SERPINA7: variants seen among roughly 807,000 people sequenced by gnomAD.
The protein encoded by SERPINA7 is thyroxine-binding globulin.
A neutral mutation model predicts 16.0 loss-of-function variants in SERPINA7; 14 were observed. The observed-to-expected ratio is 0.88, with a 90% CI of 0.58 to 1.37. The LOEUF (loss-of-function observed/expected upper bound fraction) is 1.37, where lower values mean the gene tolerates loss of function less well. Ranked by LOEUF, SERPINA7 falls within the 40% of genes most tolerant of loss-of-function variation. The pLI, the probability that SERPINA7 is intolerant of heterozygous loss-of-function variation, is 0.00. For synonymous variants in SERPINA7, 140 were observed against 111.0 expected, an observed-to-expected ratio of 1.26 and a Z score of -1.65; for missense variants, 335 against 296.6, an observed-to-expected ratio of 1.13 and a Z score of -0.95.
intron 4 of SERPINA7, 53 bp downstream of exon 4, chrX:106,034,182 T>G: frequency 1.4e-5 from 16 of 1,140,200 alleles, no homozygotes; most frequent in Non-Finnish European, 1.9e-5. Context: ...ATCAATTGAC[T>G]CCTAATTGCT....
intron 4 of SERPINA7, 106 bp from the exon 5 acceptor site, chrX:106,033,809 T>G: frequency 1.7e-6 from 2 of 1,175,308 alleles, no homozygotes. Flanking sequence ...GCCCCTTTGC[T>G]ATACTATGTT....
chrX:106,038,528 TA>T (rs2041468428), intron 1 of SERPINA7, among the ~76,000 whole-genome samples, 169 bp downstream of exon 1: 1 of 110,875 alleles, frequency 9.0e-6, no homozygotes, highest in Non-Finnish European at 1.9e-5. Flanking sequence ...CCTCTTTCTT[TA>T]AAAGTCACTG....
rs1436136179 is a variant in SERPINA7 at position 106,036,972 on chromosome X, G to T, written c.87C>A (p.Ala29=). 4 of 1,208,824 alleles carry T rather than the reference G, an allele frequency of 3.3e-6. No individual in the cohort carries two copies. The highest frequency in any genetic ancestry group is 4.5e-6 in the Non-Finnish European group (4 of 894,428). Residue 29 remains alanine, a synonymous_variant, in exon 2 of 5, where the codon GCC becomes GCA. Transcript: ENST00000372563. ...TGGCATTTGGTTGGGATGAATGGCA[G>T]GCTGTTACTTTGCCTTCAGGTGATG... ...HCASPEGKVT[A]CHSSQPNATL... is the part of the protein sequence containing the mutation.
At chrX:106,034,766 A>G (rs2041435688) in intron 3 of SERPINA7, among the ~76,000 whole-genome samples, 1 of 111,699 alleles carries the variant, frequency 9.0e-6, no homozygotes, top group Non-Finnish European at 1.9e-5. Flanking sequence ...CAACATCAAA[A>G]TCCAACCTGT....
At chrX:106,036,040 T>C (rs954700347) in intron 2 of SERPINA7, among the ~76,000 whole-genome samples, 1 of 112,359 alleles carries the variant, frequency 8.9e-6, no homozygotes, top group Non-Finnish European at 1.9e-5. Flanking sequence ...TAATACATGG[T>C]AAAATTATGT....
intron 1 of SERPINA7, 135 bp from the exon 2 acceptor site, chrX:106,037,210 G>T (rs1205876449): frequency 2.3e-5 from 12 of 518,920 alleles, no homozygotes; most frequent in Non-Finnish European, 3.8e-5. Context: ...CTCATCAGGG[G>T]CTGAGCAGGG....
At chrX:106,037,280 G>T in intron 1 of SERPINA7, 1 of 401,938 alleles carries the variant, frequency 2.5e-6, no homozygotes, top group South Asian at 4.5e-5. Flanking sequence ...AGGAGAAGTG[G>T]CTTGCTGCAA....
intron 3 of SERPINA7, 152 bp downstream of exon 3, chrX:106,034,960 T>C: frequency 1.5e-6 from 1 of 686,612 alleles, no homozygotes; most frequent in East Asian, 3.2e-5. Context: ...GCCAAGGGCC[T>C]GGTAGACAGT....
At chrX:106,036,227 C>G (rs1014337497) in intron 2 of SERPINA7, among the ~76,000 whole-genome samples, 2 of 111,520 alleles carry the variant, frequency 1.8e-5, no homozygotes, top group Admixed American at 1.9e-4. Flanking sequence ...TCTGAAAGGG[C>G]GCTCTCCCTA....
intron 1 of SERPINA7, among the ~76,000 whole-genome samples, chrX:106,037,627 C>G (rs1216003025): frequency 9.0e-6 from 1 of 110,777 alleles, no homozygotes; most frequent in Non-Finnish European, 1.9e-5. Context: ...GTTTATGGAG[C>G]CACGTACAAG....
intron 1 of SERPINA7, 102 bp from the exon 2 acceptor site, chrX:106,037,177 A>G (rs574862618): frequency 1.5e-6 from 1 of 655,266 alleles, no homozygotes; most frequent in South Asian, 2.6e-5. Context: ...TTAATAAAAC[A>G]ATAGTAAATA....
rs1358921638 is a variant in SERPINA7 at position 106,037,082 on chromosome X, G to A, written c.-17-7C>T. On this transcript the variant is annotated splice_polypyrimidine_tract_variant and splice_region_variant and intron_variant, in intron 1 of 4. Coordinates refer to ENST00000372563, the MANE Select transcript of SERPINA7 (RefSeq NM_000354.6). Reference sequence around the variant, plus strand: ...ATTTTGGAAGGAAGTTAATCTATAAGAGATGAAGTGAGACAACCACTGAGG... The same window carrying A: ...ATTTTGGAAGGAAGTTAATCTATAAAAGATGAAGTGAGACAACCACTGAGG... 9.2e-6 allele frequency: 11 copies of A among 1,196,266 alleles called. No individual in the cohort carries two copies. The highest frequency in any genetic ancestry group is 1.2e-5 in the Non-Finnish European group (11 of 883,976).
Position 106,036,474 on chromosome X carries a change from G to A in SERPINA7, c.585C>T (p.Asn195=), listed in dbSNP as rs760352887. ...VVGLIQDLKP[N]TIMVLVNYIH... ...TATAGTTCACTAAGACCATGATGGT[G>A]TTTGGCTTGAGGTCTTGAATTAGAC... Residue 195 remains asparagine, a synonymous_variant, in exon 2 of 5, where the codon AAC becomes AAT. Transcript: ENST00000372563. 3 of 1,210,902 alleles carry A rather than the reference G, an allele frequency of 2.5e-6. No individual in the cohort carries two copies. The highest frequency in any genetic ancestry group is 4.4e-5 in the Admixed American group (2 of 45,974).
At chrX:106,034,992 G>A in intron 3 of SERPINA7, 120 bp downstream of exon 3, 3 of 854,556 alleles carry the variant, frequency 3.5e-6, no homozygotes, top group Non-Finnish European at 5.2e-6. Context: ...ATATTCTAGT[G>A]ATCATACATA....
At chrX:106,033,871 T>C (rs1426343057) in intron 4 of SERPINA7, 168 bp from the exon 5 acceptor site, 13 of 969,627 alleles carry the variant, frequency 1.3e-5, no homozygotes, top group South Asian at 7.0e-5. Context: ...AATCATTCTC[T>C]GGCGATTCTA....
At chrX:106,033,763 G>T (rs2041426826) in intron 4 of SERPINA7, 60 bp from the exon 5 acceptor site, 1 of 1,210,243 alleles carries the variant, frequency 8.3e-7, no homozygotes, top group South Asian at 1.8e-5. Context: ...CTTTGGGAAG[G>T]TCTAGAAGTA....
chrX:106,033,366 T>G lies in SERPINA7; in HGVS notation c.*134A>C. 1 of 803,845 alleles carries G rather than the reference T, an allele frequency of 1.2e-6. No individual in the cohort carries two copies. Among genetic ancestry groups the G allele is most frequent in the Non-Finnish European group, 1.9e-6 (1 of 531,210 alleles). 66.2% of individuals were successfully genotyped at this position (803,845 alleles called of 1,213,427 possible). On this transcript the variant is annotated 3_prime_UTR_variant, in exon 5 of 5. Coordinates refer to ENST00000372563, the MANE Select transcript of SERPINA7 (RefSeq NM_000354.6). The stretch of plus-strand genomic sequence containing the variant: ...TGGCCTCTTCCACAGCCAACAAAGT[T>G]CAGCCAGGGTTCAATCTTCATCCCA...
In SERPINA7 at chrX:106,037,332, C is replaced by T; in HGVS notation, c.-17-257G>A. Reference sequence around the variant, plus strand: ...ATGGACTGTCATTCAGATGTTATAGCAACATTATGAAAACGCTGTGAGTAA... The same window carrying T: ...ATGGACTGTCATTCAGATGTTATAGTAACATTATGAAAACGCTGTGAGTAA... On this transcript the variant is annotated intron_variant, in intron 1 of 4. Coordinates refer to ENST00000372563, the MANE Select transcript of SERPINA7 (RefSeq NM_000354.6). 8.8e-6 allele frequency: 3 copies of T among 340,590 alleles called. No individual in the cohort carries two copies. The East Asian group carries it at 1.5e-4, about 17-fold the overall frequency. The allele number at this position is 340,590 out of a possible 1,213,427, so 28.1% of individuals were successfully genotyped here.
At chrX:106,034,137 C>T (rs779577486) in intron 4 of SERPINA7, 98 bp downstream of exon 4, 11 of 850,666 alleles carry the variant, frequency 1.3e-5, no homozygotes, top group Non-Finnish European at 1.9e-5. Context: ...CCTCTCTAGG[C>T]ATCAGATTGC....
Sources: gnomAD v4.1 joint callset for allele counts (sites outside exome capture counted in the v4.1 genomes callset) on GRCh38, gnomAD v4.1.1 for gene constraint, MANE v1.5 for transcripts, NCBI Gene and HGNC (gene_info 2026-07-23, HGNC 2026-07-21) for gene names.